Variants in MYT1L observed in about 807,000 individuals in gnomAD.
The protein encoded by MYT1L is myelin transcription factor 1 like, also known as myelin transcription factor 1-like protein.
MYT1L carries 12 observed loss-of-function variants against 126.7 expected under a neutral mutation model. The observed-to-expected ratio is 0.09, with a 90% confidence interval of 0.06 to 0.15. The LOEUF is 0.15. Ranked by LOEUF, MYT1L falls within the 10% of genes least tolerant of loss-of-function variation. The probability of loss-of-function intolerance (pLI) is 1.00; values close to 1 mark genes in which losing one functional copy is unlikely to be tolerated. For synonymous variants in MYT1L, 541 were observed against 604.2 expected (o/e 0.90, Z 1.53); for missense variants, 979 against 1,585.2 (o/e 0.62, Z 6.49).
At chr2:1,891,916 T>A in intron 15 of MYT1L, 121 bp downstream of exon 15, 1 of 1,420,766 alleles carries the variant, frequency 7.0e-7, no homozygotes, top group Non-Finnish European at 9.2e-7. Flanking sequence ...GAGAATGGTT[T>A]AGGAGATCAC....
intron 2 of MYT1L, among the ~76,000 whole-genome samples, chr2:2,237,950 C>G (rs554738053): frequency 1.8e-4 from 28 of 152,146 alleles, no homozygotes; most frequent in Non-Finnish European, 1.5e-5. Flanking sequence ...GTTTAAAGAG[C>G]GGGGCACACG....
chr2:1,798,944 A>C (rs1286724798), intron 23 of MYT1L, among the ~76,000 whole-genome samples: 3 of 152,210 alleles, frequency 2.0e-5, no homozygotes, highest in Non-Finnish European at 4.4e-5. Flanking sequence ...TTTAAAGAAC[A>C]TCAGGCTCTA....
intron 3 of MYT1L, among the ~76,000 whole-genome samples, chr2:2,100,607 G>A (rs1301277618): frequency 6.6e-6 from 1 of 152,128 alleles, no homozygotes; most frequent in Admixed American, 6.5e-5. Flanking sequence ...TTGTTCTTGA[G>A]TTATTAATAT....
chr2:2,178,108 A>G (rs1007353475), intron 2 of MYT1L, among the ~76,000 whole-genome samples: 2 of 152,160 alleles, frequency 1.3e-5, no homozygotes, highest in Non-Finnish European at 2.9e-5. Context: ...GTAATAATTT[A>G]CTTGATTGCC....
intron 13 of MYT1L, among the ~76,000 whole-genome samples, chr2:1,904,883 T>C (rs2148973792): frequency 6.6e-6 from 1 of 151,132 alleles, no homozygotes; most frequent in Admixed American, 6.6e-5. Flanking sequence ...AAGCTCTGCC[T>C]CCCGGGTTTA....
At chr2:2,102,559 C>G (rs545715155) in intron 3 of MYT1L, among the ~76,000 whole-genome samples, 2 of 151,904 alleles carry the variant, frequency 1.3e-5, no homozygotes, top group African/African-American at 2.4e-5. Context: ...GTCTGCTACA[C>G]CGTTCTACTG....
At chr2:2,230,920 G>A (rs1213234793) in intron 2 of MYT1L, among the ~76,000 whole-genome samples, 1 of 152,168 alleles carries the variant, frequency 6.6e-6, no homozygotes, top group East Asian at 1.9e-4. Context: ...ACAGGAGTCA[G>A]GTTCCATGGA....
chr2:2,052,531 A>G (rs2068955502), intron 4 of MYT1L, among the ~76,000 whole-genome samples: 1 of 152,226 alleles, frequency 6.6e-6, no homozygotes, highest in Admixed American at 6.5e-5. Context: ...ATATTTGCAA[A>G]TCATATATAT....
chr2:2,197,473 G>A (rs2092851880), intron 2 of MYT1L, among the ~76,000 whole-genome samples: 1 of 152,076 alleles, frequency 6.6e-6, no homozygotes, highest in South Asian at 2.1e-4. Context: ...CTATCTGCAG[G>A]TGTATATACA....
chr2:2,167,901 G>T (rs1024403703), intron 3 of MYT1L, among the ~76,000 whole-genome samples: 48 of 152,092 alleles, frequency 3.2e-4, no homozygotes, highest in African/African-American at 1.1e-3. Flanking sequence ...TATAACATCT[G>T]GCATGTAGTA....
chr2:1,988,132 C>T (rs1431415595), intron 5 of MYT1L, among the ~76,000 whole-genome samples: 1 of 152,096 alleles, frequency 6.6e-6, no homozygotes, highest in African/African-American at 2.4e-5. Context: ...CCAGCTGCAC[C>T]TACAGGGTAG....
chr2:2,095,482 C>T (rs1319898967), intron 3 of MYT1L, among the ~76,000 whole-genome samples: 3 of 152,154 alleles, frequency 2.0e-5, no homozygotes, highest in African/African-American at 7.2e-5. Flanking sequence ...CAAGACCCTG[C>T]TTGGGTTGGA....
At chr2:2,072,220 G>A (rs1177150031) in intron 3 of MYT1L, among the ~76,000 whole-genome samples, 4 of 152,142 alleles carry the variant, frequency 2.6e-5, no homozygotes, top group Non-Finnish European at 5.9e-5. Flanking sequence ...GTTCTCTGAC[G>A]TTTTACTGTC....
At chr2:1,952,876 TCC>T (rs1558518367) in intron 8 of MYT1L, among the ~76,000 whole-genome samples, 3 of 65,298 alleles carry the variant, frequency 4.6e-5, no homozygotes, top group African/African-American at 1.6e-4. Flanking sequence ...TTCCCTTCCC[TCC>T]TTCCTTCCCT....
At chr2:2,012,738 T>C (rs2063953486) in intron 4 of MYT1L, among the ~76,000 whole-genome samples, 1 of 152,176 alleles carries the variant, frequency 6.6e-6, no homozygotes, top group Non-Finnish European at 1.5e-5. Context: ...CTTTGTCCAG[T>C]GCGTCCGTCC....
chr2:1,807,539 C>T (rs929483090), intron 22 of MYT1L, among the ~76,000 whole-genome samples: 61 of 152,252 alleles, frequency 4.0e-4, no homozygotes, highest in African/African-American at 1.4e-3. Context: ...CCAGGGCATC[C>T]GTGCTTTGTG....
rs185814390 is a variant in MYT1L, at chr2:2,103,020, C to T, written c.-303-48897G>A. On this transcript the variant is annotated intron_variant, in intron 3 of 24. Coordinates refer to ENST00000647738, the MANE Select transcript of MYT1L (RefSeq NM_001303052.2). ...GGAGACACAGCATGCGTGTATTTAG[C>T]GCTAATTGAGAATTCCTTCACAGAA... Among the ~76,000 whole-genome samples, 299 of 152,094 alleles carry T rather than the reference C, an allele frequency of 2.0e-3. 1 individual carries two copies. Among genetic ancestry groups the T allele is most frequent in the Admixed American group, 4.1e-3 (62 of 15,276 alleles).
chr2:2,292,420 T>C (rs1274650758), intron 1 of MYT1L, among the ~76,000 whole-genome samples: 2 of 152,234 alleles, frequency 1.3e-5, no homozygotes, highest in African/African-American at 4.8e-5. Flanking sequence ...GAAAGAACTG[T>C]TGGGAAAATT....
chr2:2,282,804 G>T (rs556444140), intron 2 of MYT1L, among the ~76,000 whole-genome samples: 1 of 152,374 alleles, frequency 6.6e-6, no homozygotes. Context: ...GCTGGGCACA[G>T]TGGTTCACAC....
Sources: allele counts gnomAD v4.1 joint callset (sites outside exome capture counted in the v4.1 genomes callset), GRCh38; gene constraint gnomAD v4.1.1; transcripts MANE v1.5; gene names NCBI Gene and HGNC (gene_info 2026-07-23, HGNC 2026-07-21).